SRGAP2C: variants seen among roughly 807,000 people sequenced by gnomAD.
The protein encoded by SRGAP2C is SLIT-ROBO Rho GTPase-activating protein 2C.
Under a neutral mutation model 25.1 loss-of-function variants are expected in SRGAP2C, and 15 were observed. The ratio of observed to expected loss-of-function variants is 0.60; its 90% confidence interval spans 0.40 to 0.92. The LOEUF is 0.92. Among genes scored for constraint, SRGAP2C ranks in the 40% least tolerant of loss-of-function variants. The pLI, the probability that SRGAP2C is intolerant of heterozygous loss-of-function variation, is 0.00. For synonymous variants in SRGAP2C, 44 were observed against 96.6 expected (o/e 0.46, Z 3.19); for missense variants, 144 against 264.4 (o/e 0.54, Z 3.16).
chr1:121,268,361 G>A (rs1336510947), intron 2 of SRGAP2C, among the ~76,000 whole-genome samples: 2 of 151,642 alleles, frequency 1.3e-5, no homozygotes, highest in Admixed American at 6.6e-5. Flanking sequence ...AGAGAGGCCA[G>A]TGTAGCTGGG....
At chr1:121,279,930 C>A (rs1482493523) in intron 2 of SRGAP2C, among the ~76,000 whole-genome samples, 1 of 149,658 alleles carries the variant, frequency 6.7e-6, no homozygotes, top group Non-Finnish European at 1.5e-5. Flanking sequence ...CTCCTTTTGG[C>A]TCCTGTTTGT....
chr1:121,228,398 G>T (rs2101464334), intron 2 of SRGAP2C, among the ~76,000 whole-genome samples: 1 of 148,546 alleles, frequency 6.7e-6, no homozygotes, highest in Non-Finnish European at 1.5e-5. Flanking sequence ...ATGTTTATGG[G>T]TGAACCCTGT....
At chr1:121,329,055 A>G (rs1190825987) in intron 4 of SRGAP2C, among the ~76,000 whole-genome samples, 2 of 138,610 alleles carry the variant, frequency 1.4e-5, no homozygotes, top group African/African-American at 5.3e-5. Flanking sequence ...CTACAAAAAC[A>G]CAAAAATTAG....
chr1:121,237,858 T>A (rs1459647287), intron 2 of SRGAP2C, among the ~76,000 whole-genome samples: 8 of 124,458 alleles, frequency 6.4e-5, no homozygotes, highest in South Asian at 5.0e-4. Context: ...AAAGGGCTAA[T>A]GGAAATTCTT....
intron 4 of SRGAP2C, among the ~76,000 whole-genome samples, chr1:121,329,545 CA>C (rs1402778863): frequency 7.0e-6 from 1 of 142,270 alleles, no homozygotes; most frequent in Non-Finnish European, 1.5e-5. Flanking sequence ...TTACACTCCT[CA>C]GGGGCAAAAT....
chr1:121,258,469 T>A (rs1328544565), intron 2 of SRGAP2C, among the ~76,000 whole-genome samples: 2 of 143,972 alleles, frequency 1.4e-5, no homozygotes, highest in African/African-American at 5.5e-5. Flanking sequence ...ATCACTCTTT[T>A]TTTTTTTTTT....
At chr1:121,297,602 T>C (rs1286732719) in intron 3 of SRGAP2C, among the ~76,000 whole-genome samples, 12 of 151,550 alleles carry the variant, frequency 7.9e-5, no homozygotes, top group Non-Finnish European at 1.5e-4. Flanking sequence ...AAATGGTAGC[T>C]GATAATAATT....
intron 4 of SRGAP2C, among the ~76,000 whole-genome samples, chr1:121,336,023 C>T (rs1272412391): frequency 6.6e-6 from 1 of 150,742 alleles, no homozygotes; most frequent in African/African-American, 2.4e-5. Flanking sequence ...TTTGGTTTTG[C>T]CCTTCGTCTT....
chr1:121,355,149 G>T (rs1193218763), intron 4 of SRGAP2C, among the ~76,000 whole-genome samples: 1 of 139,834 alleles, frequency 7.2e-6, no homozygotes, highest in South Asian at 2.4e-4. Flanking sequence ...ATTAAAATGG[G>T]AACTAGATAA....
At chr1:121,337,715 A>T (rs1267432455) in intron 4 of SRGAP2C, among the ~76,000 whole-genome samples, 1 of 144,682 alleles carries the variant, frequency 6.9e-6, no homozygotes, top group Admixed American at 7.0e-5. Context: ...CTCATCAGGC[A>T]CCATGCAAAT....
At position 121,308,668 on chromosome 1, in the gene SRGAP2C, G is replaced by T. The variant is rs1553339743; in HGVS notation, c.261-15810G>T. 8.5e-4 allele frequency among the ~76,000 whole-genome samples: 129 copies of T among 151,992 alleles called. 1 individual carries two copies. Among genetic ancestry groups the T allele is most frequent in the Admixed American group, 7.9e-3 (121 of 15,268 alleles). ...CAAAAAAAAGTATGGGCCGGGTGCGGTGGTTCACACCTGTAATCCCAGCAC... is the reference window on the plus strand; with the variant it reads ...CAAAAAAAAGTATGGGCCGGGTGCGTTGGTTCACACCTGTAATCCCAGCAC... On this transcript the variant is annotated intron_variant, in intron 3 of 9. Transcript: ENST00000367123.
chr1:121,323,541 G>A (rs1374206025), intron 3 of SRGAP2C, among the ~76,000 whole-genome samples: 4 of 118,918 alleles, frequency 3.4e-5, no homozygotes, highest in East Asian at 2.3e-4. Flanking sequence ...TCTTGAAAGC[G>A]GGAGGCGGAG....
At chr1:121,222,690 A>C (rs1406074456) in intron 2 of SRGAP2C, among the ~76,000 whole-genome samples, 2 of 152,204 alleles carry the variant, frequency 1.3e-5, no homozygotes, top group African/African-American at 4.8e-5. Context: ...AGAAGAAGAG[A>C]AAGAAACTTA....
rs1195555796 is a variant in SRGAP2C at position 121,258,615 on chromosome 1, G to T, written c.68-26188G>T. ...TGAGTAGCTGGGATTACAGGCATGT[G>T]CCACCACACCCGGCTAATTTTTGTA... On this transcript the variant is annotated intron_variant, in intron 2 of 9. Coordinates refer to ENST00000367123, the MANE Select transcript of SRGAP2C (RefSeq NM_001329984.2). Among the ~76,000 whole-genome samples the T allele has an allele frequency of 2.0e-5, 3 of 150,550 alleles. 1 individual carries two copies. The highest frequency in any genetic ancestry group is 4.4e-5 in the Non-Finnish European group (3 of 67,588).
intron 7 of SRGAP2C, 118 bp downstream of exon 7, chr1:121,375,072 T>C (rs61806692): frequency 0.59 from 374,278 of 629,782 alleles, 113,276 homozygotes; most frequent in East Asian, 0.79. Flanking sequence ...ATTAGGAAGA[T>C]AGCAGCCATG....
At chr1:121,328,148 G>A (rs1315469798) in intron 4 of SRGAP2C, among the ~76,000 whole-genome samples, 4 of 152,046 alleles carry the variant, frequency 2.6e-5, no homozygotes, top group Non-Finnish European at 4.4e-5. Context: ...AAGAATGAAG[G>A]ATTATTTCAG....
At chr1:121,327,914 T>TA (rs1318520563) in intron 4 of SRGAP2C, among the ~76,000 whole-genome samples, 7 of 152,162 alleles carry the variant, frequency 4.6e-5, no homozygotes, top group African/African-American at 1.7e-4. Context: ...CCCTAAACTT[T>TA]AAAAAAAGAG....
intron 2 of SRGAP2C, among the ~76,000 whole-genome samples, chr1:121,211,416 TACACACACACACAC>T (rs200891136): frequency 2.1e-3 from 278 of 129,784 alleles, no homozygotes; most frequent in African/African-American, 7.0e-3. Flanking sequence ...TATATACACA[TACACACACACACAC>T]ACACACACAC....
chr1:121,224,882 C>T (rs1655628356), intron 2 of SRGAP2C, among the ~76,000 whole-genome samples: 1 of 147,356 alleles, frequency 6.8e-6, no homozygotes, highest in Admixed American at 6.8e-5. Flanking sequence ...GAATGGGGTG[C>T]TATTCTTAGC....
Sources: allele counts gnomAD v4.1 joint callset (sites outside exome capture counted in the v4.1 genomes callset), GRCh38; gene constraint gnomAD v4.1.1; transcripts MANE v1.5; gene names NCBI Gene and HGNC (gene_info 2026-07-23, HGNC 2026-07-21).